BMPER: variants seen among roughly 807,000 people sequenced by gnomAD.
BMPER encodes the protein BMP binding endothelial regulator, also known as BMP-binding endothelial regulator protein.
BMPER carries 45 observed loss-of-function variants against 87.3 expected under a neutral mutation model. That is an observed-to-expected ratio of 0.52 (90% CI 0.41 to 0.66). BMPER has a LOEUF of 0.66. BMPER is among the 30% of genes least tolerant of loss of function. The pLI is 0.00. For missense variants in BMPER, 784 were observed against 867.5 expected (o/e 0.90, Z 1.21); for synonymous variants, 326 against 316.2 (o/e 1.03, Z -0.33).
intron 5 of BMPER, among the ~76,000 whole-genome samples, chr7:33,974,223 T>C (rs373596560): frequency 3.3e-5 from 5 of 152,140 alleles, no homozygotes; most frequent in African/African-American, 7.2e-5. Flanking sequence ...TGTAGGATCA[T>C]TGGGGATGTG....
chr7:34,130,459 T>C (rs925986454), intron 13 of BMPER, among the ~76,000 whole-genome samples: 5 of 152,222 alleles, frequency 3.3e-5, no homozygotes, highest in Non-Finnish European at 5.9e-5. Flanking sequence ...GAATGCCTAT[T>C]CCTCCTTCAC....
At chr7:34,032,384 A>G (rs1000425334) in intron 6 of BMPER, among the ~76,000 whole-genome samples, 2 of 152,050 alleles carry the variant, frequency 1.3e-5, no homozygotes, top group Admixed American at 1.3e-4. Flanking sequence ...TTTTAAAGTC[A>G]TTATTTTTCC....
At chr7:33,987,395 G>A (rs1053715296) in intron 6 of BMPER, among the ~76,000 whole-genome samples, 1 of 152,162 alleles carries the variant, frequency 6.6e-6, no homozygotes, top group Non-Finnish European at 1.5e-5. Context: ...AAACACACAA[G>A]GAGAAGAGTA....
At chr7:33,915,444 C>T (rs1784069726) in intron 2 of BMPER, among the ~76,000 whole-genome samples, 1 of 152,096 alleles carries the variant, frequency 6.6e-6, no homozygotes, top group Non-Finnish European at 1.5e-5. Context: ...TTTCTTTTCT[C>T]ATGAAATGTT....
At chr7:33,919,492 T>A (rs1411881331) in intron 2 of BMPER, among the ~76,000 whole-genome samples, 1 of 152,198 alleles carries the variant, frequency 6.6e-6, no homozygotes, top group Non-Finnish European at 1.5e-5. Context: ...TGGGATCTTC[T>A]GTATATCCTC....
intron 2 of BMPER, among the ~76,000 whole-genome samples, chr7:33,935,492 G>A (rs1001527102): frequency 6.6e-6 from 1 of 152,126 alleles, no homozygotes; most frequent in Non-Finnish European, 1.5e-5. Context: ...GTGCAGCTAA[G>A]GATGAGGGCC....
At chr7:33,968,185 C>A (rs746821686) in intron 4 of BMPER, among the ~76,000 whole-genome samples, 1 of 152,198 alleles carries the variant, frequency 6.6e-6, no homozygotes, top group Admixed American at 6.5e-5. Flanking sequence ...TGTTACCTAC[C>A]CAAGAGGAAG....
chr7:34,047,128 C>A (rs538443215), intron 7 of BMPER, among the ~76,000 whole-genome samples: 24 of 152,170 alleles, frequency 1.6e-4, no homozygotes, highest in Admixed American at 3.9e-4. Flanking sequence ...CCAGCTCTAA[C>A]CTGCTGCAGC....
intron 2 of BMPER, among the ~76,000 whole-genome samples, chr7:33,918,129 C>T (rs1784131140): frequency 6.6e-6 from 1 of 152,186 alleles, no homozygotes; most frequent in African/African-American, 2.4e-5. Flanking sequence ...GAGTGAGCCA[C>T]CACACCTGGC....
chr7:33,953,484 G>A (rs966392532), intron 3 of BMPER, among the ~76,000 whole-genome samples: 3 of 152,228 alleles, frequency 2.0e-5, no homozygotes, highest in Admixed American at 6.5e-5. Flanking sequence ...ATCATGCAGG[G>A]GCTGGACTAG....
At chr7:34,046,451 A>G (rs1787971460) in intron 7 of BMPER, 46 bp downstream of exon 7, 4 of 1,572,962 alleles carry the variant, frequency 2.5e-6, no homozygotes, top group Non-Finnish European at 1.8e-6. Flanking sequence ...TTTCTTCTCA[A>G]AGTTTCTGCT....
At chr7:34,094,018 C>T (rs1033497569) in intron 13 of BMPER, among the ~76,000 whole-genome samples, 8 of 152,286 alleles carry the variant, frequency 5.3e-5, no homozygotes, top group South Asian at 2.1e-4. Context: ...AGGTCGCCTG[C>T]GCAGCTGAGC....
intron 6 of BMPER, among the ~76,000 whole-genome samples, chr7:33,996,621 A>G (rs1016862975): frequency 1.3e-5 from 2 of 152,206 alleles, no homozygotes; most frequent in Non-Finnish European, 2.9e-5. Flanking sequence ...CCACCATTCT[A>G]GTAATATTCT....
chr7:33,905,552 G>A lies in BMPER; in HGVS notation c.-62G>A. On this transcript the variant is annotated 5_prime_UTR_variant, in exon 1 of 15. Coordinates refer to ENST00000649409, the MANE Select transcript of BMPER (RefSeq NM_001365308.1). Reference sequence around the variant, plus strand: ...AGAGCCCTTTTCGACTGTGAGCTGCGGCAGCTGAGCAGAGGCGGCGGCGCG... The same window carrying A: ...AGAGCCCTTTTCGACTGTGAGCTGCAGCAGCTGAGCAGAGGCGGCGGCGCG... 6.3e-7 allele frequency: 1 copy of A among 1,598,236 alleles called. No individual in the cohort carries two copies. The highest frequency in any genetic ancestry group is 8.5e-7 in the Non-Finnish European group (1 of 1,177,490).
At chr7:34,074,933 C>T (rs954944681) in intron 11 of BMPER, among the ~76,000 whole-genome samples, 4 of 152,054 alleles carry the variant, frequency 2.6e-5, no homozygotes, top group Non-Finnish European at 5.9e-5. Context: ...GATGCTTTTT[C>T]CCCCTTCCTT....
chr7:34,106,208 C>G (rs1288505515), intron 13 of BMPER, among the ~76,000 whole-genome samples: 2 of 152,228 alleles, frequency 1.3e-5, no homozygotes, highest in Non-Finnish European at 2.9e-5. Flanking sequence ...TAGGAGAGAC[C>G]TTAAGTCTTT....
At chr7:34,102,077 G>A (rs1447334681) in intron 13 of BMPER, among the ~76,000 whole-genome samples, 1 of 152,086 alleles carries the variant, frequency 6.6e-6, no homozygotes, top group East Asian at 1.9e-4. Flanking sequence ...GAAAAGCCAG[G>A]GCGAATTTCA....
chr7:34,097,215 GA>G (rs1399252481), intron 13 of BMPER, among the ~76,000 whole-genome samples: 1 of 152,182 alleles, frequency 6.6e-6, no homozygotes, highest in Non-Finnish European at 1.5e-5. Context: ...GAGAACAAAG[GA>G]AAATATTCCA....
intron 6 of BMPER, among the ~76,000 whole-genome samples, chr7:34,037,280 T>A (rs1042584300): frequency 1.3e-5 from 2 of 152,090 alleles, no homozygotes; most frequent in Non-Finnish European, 2.9e-5. Context: ...TAATCTAATA[T>A]TTGCTTTATG....
Sources: gnomAD v4.1 joint callset for allele counts (sites outside exome capture counted in the v4.1 genomes callset) on GRCh38, gnomAD v4.1.1 for gene constraint, MANE v1.5 for transcripts, NCBI Gene and HGNC (gene_info 2026-07-23, HGNC 2026-07-21) for gene names.